The following NEGR1 variants were observed in gnomAD, a reference collection of about 807,000 sequenced individuals.
NEGR1 encodes neuronal growth regulator 1, also known as IgLON family member 4.
NEGR1 carries 10 observed loss-of-function variants against 40.9 expected under a neutral mutation model. That is an observed-to-expected ratio of 0.24 (90% CI 0.15 to 0.42). The LOEUF (loss-of-function observed/expected upper bound fraction) is 0.42, where lower values mean the gene tolerates loss of function less well. Ranked by LOEUF, NEGR1 falls within the 10% of genes least tolerant of loss-of-function variation. NEGR1 has a pLI of 1.00. For synonymous variants in NEGR1, 185 were observed against 166.8 expected, an observed-to-expected ratio of 1.11 and a Z score of -0.84; for missense variants, 352 against 438.9, an observed-to-expected ratio of 0.80 and a Z score of 1.77.
intron 4 of NEGR1, among the ~76,000 whole-genome samples, chr1:71,653,037 C>A (rs1458566669): frequency 6.6e-6 from 1 of 152,182 alleles, no homozygotes; most frequent in Non-Finnish European, 1.5e-5. Flanking sequence ...AAAGTACATT[C>A]ACTGATGCTA....
At chr1:71,910,963 T>G (rs919147647) in intron 2 of NEGR1, among the ~76,000 whole-genome samples, 2 of 152,094 alleles carry the variant, frequency 1.3e-5, no homozygotes, top group Non-Finnish European at 1.5e-5. Context: ...TTTTCAAAGT[T>G]CTAGGATTAC....
At chr1:71,699,943 T>C (rs1653627157) in intron 3 of NEGR1, among the ~76,000 whole-genome samples, 1 of 151,916 alleles carries the variant, frequency 6.6e-6, no homozygotes, top group Non-Finnish European at 1.5e-5. Flanking sequence ...CCTCCCACCA[T>C]TTTTCTGAGG....
At chr1:71,884,718 A>G (rs914698177) in intron 2 of NEGR1, among the ~76,000 whole-genome samples, 2 of 152,350 alleles carry the variant, frequency 1.3e-5, no homozygotes, top group African/African-American at 4.8e-5. Flanking sequence ...GAAAAGTTAC[A>G]CTAAAAAAGG....
At chr1:72,100,054 T>A (rs1038673835) in intron 1 of NEGR1, among the ~76,000 whole-genome samples, 1 of 152,120 alleles carries the variant, frequency 6.6e-6, no homozygotes, top group Non-Finnish European at 1.5e-5. Context: ...AATAACATAA[T>A]GTCAAAAATA....
At chr1:71,631,765 C>T (rs1650975575) in intron 4 of NEGR1, among the ~76,000 whole-genome samples, 2 of 151,732 alleles carry the variant, frequency 1.3e-5, no homozygotes, top group Non-Finnish European at 3.0e-5. Flanking sequence ...TGGTCTTATT[C>T]TTGACCCAGG....
At chr1:72,064,082 A>C (rs1347769090) in intron 1 of NEGR1, among the ~76,000 whole-genome samples, 2 of 152,010 alleles carry the variant, frequency 1.3e-5, no homozygotes, top group South Asian at 2.1e-4. Context: ...GGAAAAAAAA[A>C]ACTTTCTTCT....
At chr1:71,555,291 T>G (rs1158343040) in intron 6 of NEGR1, among the ~76,000 whole-genome samples, 1 of 151,366 alleles carries the variant, frequency 6.6e-6, no homozygotes, top group African/African-American at 2.4e-5. Flanking sequence ...TGCTTGGAGG[T>G]AGTAATTGGG....
chr1:72,230,188 C>G (rs538992395), intron 1 of NEGR1, among the ~76,000 whole-genome samples: 1 of 152,166 alleles, frequency 6.6e-6, no homozygotes, highest in South Asian at 2.1e-4. Flanking sequence ...TACCTATCTC[C>G]CTCACAAATT....
chr1:72,142,404 C>T (rs1467188726), intron 1 of NEGR1, among the ~76,000 whole-genome samples: 1 of 151,808 alleles, frequency 6.6e-6, no homozygotes, highest in East Asian at 1.9e-4. Flanking sequence ...GAATTTCATG[C>T]TACCAAAACA....
At chr1:71,479,560 G>T (rs1267123613) in intron 6 of NEGR1, among the ~76,000 whole-genome samples, 1 of 151,820 alleles carries the variant, frequency 6.6e-6, no homozygotes, top group Admixed American at 6.6e-5. Context: ...TTTCTATTAG[G>T]TCCTTCTGAC....
intron 3 of NEGR1, among the ~76,000 whole-genome samples, chr1:71,764,441 T>A (rs1387627006): frequency 1.3e-5 from 2 of 152,242 alleles, no homozygotes. Context: ...AATGACTTAT[T>A]ACTTGCAGTT....
intron 1 of NEGR1, among the ~76,000 whole-genome samples, chr1:72,222,666 C>T (rs998087568): frequency 1.3e-5 from 2 of 152,112 alleles, no homozygotes; most frequent in African/African-American, 4.8e-5. Context: ...TGGTTAGGTT[C>T]ACTATGTGTC....
At chr1:71,927,700 C>T (rs2101888941) in intron 2 of NEGR1, among the ~76,000 whole-genome samples, 1 of 151,224 alleles carries the variant, frequency 6.6e-6, no homozygotes, top group South Asian at 2.1e-4. Context: ...GTAGTCCTGG[C>T]CAGGCGTAGG....
intron 1 of NEGR1, among the ~76,000 whole-genome samples, chr1:71,974,095 A>G (rs1235168067): frequency 6.6e-6 from 1 of 152,124 alleles, no homozygotes; most frequent in East Asian, 1.9e-4. Context: ...TGTGCTTTTT[A>G]TCTTCTCACT....
intron 6 of NEGR1, among the ~76,000 whole-genome samples, chr1:71,564,387 AC>A (rs1214799627): frequency 6.6e-6 from 1 of 152,096 alleles, no homozygotes; most frequent in Non-Finnish European, 1.5e-5. Context: ...AAGGATTTGG[AC>A]CCAGTTCTGT....
chr1:72,069,094 A>G (rs1200813671), intron 1 of NEGR1, among the ~76,000 whole-genome samples: 2 of 152,028 alleles, frequency 1.3e-5, no homozygotes, highest in Non-Finnish European at 2.9e-5. Context: ...TTTATAGCAT[A>G]TATCTTTTGT....
At chr1:71,860,341 C>T (rs1570440497) in intron 2 of NEGR1, among the ~76,000 whole-genome samples, 1 of 151,942 alleles carries the variant, frequency 6.6e-6, no homozygotes, top group Non-Finnish European at 1.5e-5. Context: ...CAGAGCCATA[C>T]TTTTTATTAC....
At chr1:72,226,811 A>C (rs1262280615) in intron 1 of NEGR1, among the ~76,000 whole-genome samples, 10 of 152,052 alleles carry the variant, frequency 6.6e-5, no homozygotes, top group Admixed American at 6.6e-4. Context: ...GCTTCATAGG[A>C]AACAAAGCAA....
chr1:71,526,371 T>A (rs1647216881), intron 6 of NEGR1, among the ~76,000 whole-genome samples: 1 of 151,642 alleles, frequency 6.6e-6, no homozygotes, highest in African/African-American at 2.4e-5. Flanking sequence ...CTTACCTTTC[T>A]TATTACTTTT....
Sources: gnomAD v4.1 joint callset for allele counts (sites outside exome capture counted in the v4.1 genomes callset) on GRCh38, gnomAD v4.1.1 for gene constraint, MANE v1.5 for transcripts, NCBI Gene and HGNC (gene_info 2026-07-23, HGNC 2026-07-21) for gene names.